NR6A1: variants seen among roughly 807,000 people sequenced by gnomAD.
NR6A1 encodes nuclear receptor subfamily 6 group A member 1.
Under a neutral mutation model 59.1 loss-of-function variants are expected in NR6A1, and 7 were observed. The observed-to-expected ratio is 0.12, with a 90% CI of 0.07 to 0.22. The LOEUF (loss-of-function observed/expected upper bound fraction) is 0.22. Among genes scored for constraint, NR6A1 ranks in the 10% least tolerant of loss-of-function variants. The pLI is 1.00. For missense variants in NR6A1, 468 were observed against 611.6 expected (o/e 0.77, Z 2.48); for synonymous variants, 243 against 236.1 (o/e 1.03, Z -0.27).
chr9:124,543,978 C>G, intron 3 of NR6A1, 121 bp from the exon 4 acceptor site: 1 of 744,428 alleles, frequency 1.3e-6, no homozygotes, highest in Non-Finnish European at 2.3e-6. Flanking sequence ...AACATTAAAA[C>G]ACAGGTCCTT....
chr9:124,525,357 T>C (rs1832904886), intron 8 of NR6A1, among the ~76,000 whole-genome samples: 1 of 149,716 alleles, frequency 6.7e-6, no homozygotes, highest in African/African-American at 2.5e-5. Flanking sequence ...CTTAATCTTC[T>C]TCCTGGGCTG....
intron 2 of NR6A1, among the ~76,000 whole-genome samples, chr9:124,620,413 C>G (rs1836034903): frequency 6.6e-6 from 1 of 152,126 alleles, no homozygotes; most frequent in African/African-American, 2.4e-5. Context: ...TTCATAGTAG[C>G]ATTATTCACA....
intron 7 of NR6A1, among the ~76,000 whole-genome samples, chr9:124,534,920 C>T (rs890278021): frequency 5.3e-5 from 8 of 152,224 alleles, no homozygotes; most frequent in Admixed American, 6.5e-5. Context: ...GTCGGGAGGC[C>T]GAGACTATCC....
intron 2 of NR6A1, among the ~76,000 whole-genome samples, chr9:124,723,340 T>C (rs1157122521): frequency 6.6e-6 from 1 of 152,202 alleles, no homozygotes; most frequent in Admixed American, 6.5e-5. Flanking sequence ...TTAAATGTGT[T>C]GGCAGATGGT....
intron 2 of NR6A1, chr9:124,598,735 C>A: frequency 4.6e-6 from 4 of 870,554 alleles, no homozygotes; most frequent in South Asian, 4.0e-5. Flanking sequence ...CCTCCTTGGT[C>A]TTCTCCCTTC....
At chr9:124,575,436 T>C (rs891981104) in intron 2 of NR6A1, among the ~76,000 whole-genome samples, 1 of 152,030 alleles carries the variant, frequency 6.6e-6, no homozygotes, top group African/African-American at 2.4e-5. Context: ...TAGCTGGACA[T>C]GGTGGCACGC....
At chr9:124,618,540 T>G (rs1442006827) in intron 2 of NR6A1, among the ~76,000 whole-genome samples, 8 of 151,902 alleles carry the variant, frequency 5.3e-5, no homozygotes, top group Non-Finnish European at 7.4e-5. Context: ...CCCAGAGCAG[T>G]TAGGTTACAG....
At chr9:124,564,939 C>T (rs986716624) in intron 2 of NR6A1, among the ~76,000 whole-genome samples, 3 of 152,022 alleles carry the variant, frequency 2.0e-5, no homozygotes, top group African/African-American at 7.2e-5. Context: ...ATGAAGATGG[C>T]ATTGCAGAGC....
At chr9:124,605,019 A>G (rs2130829521) in intron 2 of NR6A1, among the ~76,000 whole-genome samples, 1 of 152,284 alleles carries the variant, frequency 6.6e-6, no homozygotes, top group Non-Finnish European at 1.5e-5. Context: ...CAATCATCAA[A>G]CGCTGCTAAC....
chr9:124,688,546 G>A (rs1838417308), intron 2 of NR6A1, among the ~76,000 whole-genome samples: 1 of 152,148 alleles, frequency 6.6e-6, no homozygotes, highest in African/African-American at 2.4e-5. Flanking sequence ...ACTTTTCCTG[G>A]AACCACTGCT....
chr9:124,588,371 G>C (rs1025456102), intron 2 of NR6A1, among the ~76,000 whole-genome samples: 3 of 151,784 alleles, frequency 2.0e-5, no homozygotes, highest in African/African-American at 7.3e-5. Context: ...ACAGTGGCGC[G>C]ATCTCCACTC....
chr9:124,574,831 T>C (rs1429892799), intron 2 of NR6A1, among the ~76,000 whole-genome samples: 2 of 152,188 alleles, frequency 1.3e-5, no homozygotes, highest in African/African-American at 4.8e-5. Context: ...GATACTACGT[T>C]TTAAATGAAT....
At chr9:124,584,089 C>T (rs1372810617) in intron 2 of NR6A1, among the ~76,000 whole-genome samples, 6 of 149,546 alleles carry the variant, frequency 4.0e-5, no homozygotes, top group Non-Finnish European at 8.9e-5. Context: ...CATTTTATTG[C>T]ACTTGGCTTT....
rs377685849 is a variant in NR6A1 at position 124,540,010 on chromosome 9, C to CTTT, written c.596+22_596+23insAAA. On this transcript the variant is annotated intron_variant, in intron 5 of 9. Coordinates refer to ENST00000487099, the MANE Select transcript of NR6A1 (RefSeq NM_033334.4). ...TGGTGGGGGATCCCTAGATGATGAC[C>CTTT]ATGGGTTTGCCTTAAAGCTCACCTG... 3.1e-6 allele frequency: 5 copies of CTTT among 1,588,042 alleles called. No individual in the cohort carries two copies. The East Asian group carries it at 6.8e-5, about 22-fold the overall frequency.
chr9:124,745,884 G>T (rs1198540673), intron 1 of NR6A1, among the ~76,000 whole-genome samples: 1 of 149,120 alleles, frequency 6.7e-6, no homozygotes, highest in Non-Finnish European at 1.5e-5. Context: ...CTACTCAAGA[G>T]GCTGAGGCAG....
chr9:124,531,741 T>C (rs558975856), intron 7 of NR6A1, among the ~76,000 whole-genome samples: 1 of 152,196 alleles, frequency 6.6e-6, no homozygotes. Context: ...GCTAAGAAAA[T>C]TGGTGCCCAC....
chr9:124,751,832 T>C (rs1840507526), intron 1 of NR6A1, among the ~76,000 whole-genome samples: 1 of 152,234 alleles, frequency 6.6e-6, no homozygotes, highest in South Asian at 2.1e-4. Context: ...TACAAAGTGT[T>C]TCCATGAAGA....
Position 124,531,538 on chromosome 9 carries a change from C to T in NR6A1, c.1079+4340G>A, listed in dbSNP as rs1454663986. Among the ~76,000 whole-genome samples the T allele has an allele frequency of 2.0e-5, 3 of 152,052 alleles. No individual in the cohort carries two copies. In the East Asian group the frequency reaches 5.8e-4, roughly 29 times the overall value. On this transcript the variant is annotated intron_variant, in intron 7 of 9. Coordinates refer to ENST00000487099, the MANE Select transcript of NR6A1 (RefSeq NM_033334.4). ...AGGCAAGGTAGGAGAGTGCTATGGC[C>T]AATTACAGACTCCACAGCCTGGGTT...
intron 2 of NR6A1, among the ~76,000 whole-genome samples, chr9:124,602,715 A>C (rs1334034814): frequency 6.6e-6 from 1 of 152,218 alleles, no homozygotes; most frequent in Admixed American, 6.5e-5. Flanking sequence ...TCTACGTGAG[A>C]ATTCTGGGAA....
Sources: gnomAD v4.1 joint callset for allele counts (sites outside exome capture counted in the v4.1 genomes callset) on GRCh38, gnomAD v4.1.1 for gene constraint, MANE v1.5 for transcripts, NCBI Gene and HGNC (gene_info 2026-07-23, HGNC 2026-07-21) for gene names.